RSPH9: variants seen among roughly 807,000 people sequenced by gnomAD.
RSPH9 encodes the protein radial spoke head protein 9 homolog.
RSPH9 carries 27 observed loss-of-function variants against 27.0 expected under a neutral mutation model. The observed-to-expected ratio is 1.00, with a 90% confidence interval of 0.74 to 1.38. The LOEUF is 1.38. Among genes scored for constraint, RSPH9 ranks in the 40% most tolerant of loss-of-function variants. The probability of loss-of-function intolerance (pLI) is 0.00; values close to 1 mark genes in which losing one functional copy is unlikely to be tolerated. For synonymous variants in RSPH9, 145 were observed against 147.7 expected (o/e 0.98, Z 0.13); for missense variants, 347 against 357.4 (o/e 0.97, Z 0.24).
In RSPH9 at chr6:43,656,626, G is replaced by A. The variant is rs1369554792; in HGVS notation, c.573G>A (p.Arg191=). 6.2e-7 allele frequency: 1 copy of A among 1,614,008 alleles called. No homozygotes were observed. Among genetic ancestry groups the A allele is most frequent in the Non-Finnish European group, 8.5e-7 (1 of 1,180,002 alleles). Residue 191 remains arginine (R), a synonymous_variant, in exon 4 of 5, where the codon AGG becomes AGA. Coordinates refer to ENST00000372163, the MANE Select transcript of RSPH9 (RefSeq NM_152732.5). ...AGCTCAGCTCCTACTTCCATTTCAG[G>A]GAGCCTGTTGAGCTAAAGAATAAGA... ...AKKLSSYFHF[R]EPVELKNKTL... is the part of the protein sequence containing the mutation.
chr6:43,650,287 C>T, intron 1 of RSPH9, 88 bp from the exon 2 acceptor site: 3 of 1,508,724 alleles, frequency 2.0e-6, no homozygotes, highest in Non-Finnish European at 2.7e-6. Flanking sequence ...TTTTCCTGGG[C>T]CCAACCCACT....
intron 4 of RSPH9, 90 bp downstream of exon 4, chr6:43,656,813 C>A: frequency 1.4e-6 from 2 of 1,444,264 alleles, no homozygotes; most frequent in Non-Finnish European, 1.9e-6. Flanking sequence ...GAGACTGGAA[C>A]CAAGGGCCTA....
In RSPH9 at chr6:43,658,301, A is replaced by G. The variant is rs1339923212; in HGVS notation, c.670+1578A>G. Reference sequence around the variant, plus strand: ...CGCAAAACTCCGTCTCAAAAAAAAAAAAAAAAAAAGAAAAAAAAAAAAAGA... The same window carrying G: ...CGCAAAACTCCGTCTCAAAAAAAAAGAAAAAAAAAGAAAAAAAAAAAAAGA... On this transcript the variant is annotated intron_variant, in intron 4 of 4. Transcript: ENST00000372163. Among the ~76,000 whole-genome samples, 3 of 144,966 alleles carry G rather than the reference A, an allele frequency of 2.1e-5. No homozygotes were observed. The East Asian group carries it at 5.9e-4, about 29-fold the overall frequency.
chr6:43,667,781 A>AT (rs148243628), intron 4 of RSPH9, among the ~76,000 whole-genome samples: 180 of 146,620 alleles, frequency 1.2e-3, no homozygotes, highest in East Asian at 3.0e-3. Flanking sequence ...ACCCATGGCC[A>AT]TTTTTTTTTT....
intron 4 of RSPH9, among the ~76,000 whole-genome samples, chr6:43,663,948 G>A (rs1772878715): frequency 1.3e-5 from 2 of 150,414 alleles, no homozygotes; most frequent in South Asian, 4.2e-4. Context: ...AGAATCACTT[G>A]AACCTTGGAG....
intron 1 of RSPH9, among the ~76,000 whole-genome samples, chr6:43,646,779 G>A (rs548083615): frequency 7.3e-5 from 11 of 151,462 alleles, no homozygotes; most frequent in African/African-American, 2.2e-4. Flanking sequence ...TGGCTAACGC[G>A]GTGAAACACT....
rs2127891769 is a variant in RSPH9, at chr6:43,650,535, A to G, written c.388A>G (p.Ile130Val). The change falls in exon 2 of 5, where the codon ATA becomes GTA. Residue 130 changes from isoleucine (I) to valine (V), a missense_variant. Physicochemically the swap from Ile to Val is conservative, Grantham distance 29. Coordinates refer to ENST00000372163, the MANE Select transcript of RSPH9 (RefSeq NM_152732.5). ...NEGEKVFEEEIVVQIKEETRL... is the reference protein window; with the variant it reads ...NEGEKVFEEEVVVQIKEETRL... ...AGGTGAAAAAGTCTTTGAAGAAGAA[A>G]TAGTGGTGAGTGAAGAGGAGAGCAG... 6.2e-7 allele frequency: 1 copy of G among 1,614,024 alleles called. No homozygotes were observed. The highest frequency in any genetic ancestry group is 1.3e-5 in the African/African-American group (1 of 75,050).
At chr6:43,666,978 AG>A in intron 4 of RSPH9, among the ~76,000 whole-genome samples, 1 of 152,166 alleles carries the variant, frequency 6.6e-6, no homozygotes, top group African/African-American at 2.4e-5. Flanking sequence ...TCCTGACCTC[AG>A]GTGATCTGCC....
chr6:43,649,348 C>T (rs1561937000), intron 1 of RSPH9, among the ~76,000 whole-genome samples: 1 of 151,838 alleles, frequency 6.6e-6, no homozygotes, highest in Non-Finnish European at 1.5e-5. Flanking sequence ...CGCCACCAAG[C>T]CCAGCTAATT....
intron 4 of RSPH9, chr6:43,666,373 T>G: frequency 6.6e-6 from 9 of 1,368,256 alleles, no homozygotes; most frequent in Non-Finnish European, 9.2e-6. Flanking sequence ...GCTGGAGGGA[T>G]GGGATTTGGC....
intron 1 of RSPH9, among the ~76,000 whole-genome samples, chr6:43,646,664 C>CAA (rs751591133): frequency 0.027 from 1,902 of 71,530 alleles, 56 homozygotes; most frequent in African/African-American, 0.078. Flanking sequence ...CTCATCACTA[C>CAA]AAAAAAAAAA....
At chr6:43,667,627 C>A (rs1237429816) in intron 4 of RSPH9, among the ~76,000 whole-genome samples, 1 of 152,228 alleles carries the variant, frequency 6.6e-6, no homozygotes, top group Non-Finnish European at 1.5e-5. Context: ...TTCTGGGCCA[C>A]GGGGCCTGCC....
chr6:43,672,138 A>G lies in RSPH9; in HGVS notation c.*1189A>G. 1.7e-6 allele frequency: 1 copy of G among 592,334 alleles called. No homozygotes were observed. Among genetic ancestry groups the G allele is most frequent in the Non-Finnish European group, 3.0e-6 (1 of 328,700 alleles). 36.7% of individuals were successfully genotyped at this position (592,334 alleles called of 1,614,324 possible). A position where few individuals can be genotyped will look rare whatever the true frequency, so the allele number is the denominator to read the frequency against. On this transcript the variant is annotated 3_prime_UTR_variant, in exon 5 of 5. Coordinates refer to ENST00000372163, the MANE Select transcript of RSPH9 (RefSeq NM_152732.5). ...CTGTGTGGCCAGGTTCAGGCAGCCC[A>G]GGGCCACAAGCTCCCTTGATCTTTG...
At chr6:43,658,704 G>A (rs1772296321) in intron 4 of RSPH9, among the ~76,000 whole-genome samples, 1 of 152,056 alleles carries the variant, frequency 6.6e-6, no homozygotes, top group South Asian at 2.1e-4. Flanking sequence ...ACCATGCCTG[G>A]CTAATCTTTG....
rs1441584525 is a variant in RSPH9, at chr6:43,650,414, A to G, written c.267A>G (p.Thr89=). Residue 89 remains threonine (T), a synonymous_variant, in exon 2 of 5, where the codon ACA becomes ACG. Transcript: ENST00000372163. Reference sequence around the variant, plus strand: ...AGTGGAGCCTCTTGCCCCCTGCCACAGAGGAGATGGTGGCGCAGTCGTCTG... The same window carrying G: ...AGTGGAGCCTCTTGCCCCCTGCCACGGAGGAGATGGTGGCGCAGTCGTCTG... ...CTEWSLLPPA[T]EEMVAQSSVV... is the part of the protein sequence containing the mutation. 1.2e-6 allele frequency: 2 copies of G among 1,613,922 alleles called. No homozygotes were observed. The highest frequency in any genetic ancestry group is 1.7e-5 in the Admixed American group (1 of 60,020).
At chr6:43,648,609 T>C (rs1582377428) in intron 1 of RSPH9, among the ~76,000 whole-genome samples, 1 of 152,148 alleles carries the variant, frequency 6.6e-6, no homozygotes, top group Admixed American at 6.6e-5. Flanking sequence ...CATTGGAAGG[T>C]TCTGCAGAGG....
At position 43,672,205 on chromosome 6, in the gene RSPH9, C is replaced by T. The variant is rs1203203345; in HGVS notation, c.*1256C>T. The T allele has an allele frequency of 1.7e-5, 8 of 480,590 alleles. No homozygotes were observed. The highest frequency in any genetic ancestry group is 8.4e-5 in the East Asian group (2 of 23,906). 29.8% of individuals were successfully genotyped at this position (480,590 alleles called of 1,614,324 possible). A position where few individuals can be genotyped will look rare whatever the true frequency, so the allele number is the denominator to read the frequency against. ...TGTGTGTTTGCTGAGGAAAAGGTGG[C>T]GAAGAGGCTGCCTGAAGAGCAGATC... is the stretch of plus-strand genomic sequence containing the variant. On this transcript the variant is annotated 3_prime_UTR_variant, in exon 5 of 5. Coordinates refer to ENST00000372163, the MANE Select transcript of RSPH9 (RefSeq NM_152732.5).
chr6:43,665,014 C>T (rs1235499695), intron 4 of RSPH9, among the ~76,000 whole-genome samples: 1 of 152,206 alleles, frequency 6.6e-6, no homozygotes, highest in Non-Finnish European at 1.5e-5. Flanking sequence ...GTCTGGCAAG[C>T]CCTTTGCAGC....
At chr6:43,668,971 C>A (rs190170932) in intron 4 of RSPH9, among the ~76,000 whole-genome samples, 3 of 152,300 alleles carry the variant, frequency 2.0e-5, no homozygotes, top group African/African-American at 7.2e-5. Context: ...GACCCCCACC[C>A]TCATCAATCC....
Sources: gnomAD v4.1 joint callset for allele counts (sites outside exome capture counted in the v4.1 genomes callset) on GRCh38, gnomAD v4.1.1 for gene constraint, MANE v1.5 for transcripts, NCBI Gene and HGNC (gene_info 2026-07-23, HGNC 2026-07-21) for gene names.